Variants in SIK3 observed in about 807,000 individuals in gnomAD.
SIK3 encodes the protein serine/threonine-protein kinase SIK3.
SIK3 carries 28 observed loss-of-function variants against 144.2 expected under a neutral mutation model. That is an observed-to-expected ratio of 0.19 (90% confidence interval 0.14 to 0.27). The LOEUF (loss-of-function observed/expected upper bound fraction) is 0.27, where lower values mean the gene tolerates loss of function less well. Ranked by LOEUF, SIK3 falls within the 10% of genes least tolerant of loss-of-function variation. SIK3 has a pLI of 1.00. For synonymous variants in SIK3, 686 were observed against 676.3 expected (o/e 1.01, Z -0.22); for missense variants, 1,319 against 1,776.0 (o/e 0.74, Z 4.62).
chr11:116,890,658 C>T (rs1409474672), intron 6 of SIK3, among the ~76,000 whole-genome samples: 1 of 152,176 alleles, frequency 6.6e-6, no homozygotes, highest in African/African-American at 2.4e-5. Context: ...AGTTTAGAGA[C>T]ATGAAGAGTG....
rs76140157 is a variant in SIK3, at chr11:117,036,243, T to A, written c.273+61900A>T. Among the ~76,000 whole-genome samples the A allele has an allele frequency of 3.6e-3, 417 of 117,126 alleles. 5 individuals carry two copies. Among genetic ancestry groups the A allele is most frequent in the African/African-American group, 8.8e-3 (207 of 23,498 alleles). 76.8% of individuals were successfully genotyped at this position (117,126 alleles called of 152,430 possible). A position where few individuals can be genotyped will look rare whatever the true frequency, so the allele number is the denominator to read the frequency against. ...GCCAAAAATAAAATTTAAAAAAAAA[T>A]AATGTAGGTAGTTTCTCATAGTAAC... On this transcript the variant is annotated intron_variant, in intron 1 of 24. Transcript: ENST00000445177.
At position 116,922,907 on chromosome 11, in the gene SIK3, CTTT is replaced by C. The variant is rs202058609; in HGVS notation, c.616+4309_616+4311del. On this transcript the variant is annotated intron_variant, in intron 4 of 24. Transcript: ENST00000445177. The stretch of plus-strand genomic sequence containing the variant: ...CGACTAATTTCTCCTTTTCTTTTCT[CTTT>C]TTTTTTTTTTTTTTTTTTTTTTTTG... 1.4e-3 allele frequency among the ~76,000 whole-genome samples: 141 copies of C among 102,166 alleles called. 4 individuals carry two copies. Among genetic ancestry groups the C allele is most frequent in the African/African-American group, 4.2e-3 (121 of 28,568 alleles). 67.0% of individuals were successfully genotyped at this position (102,166 alleles called of 152,430 possible). A position where few individuals can be genotyped will look rare whatever the true frequency, so the allele number is the denominator to read the frequency against.
At chr11:116,917,636 G>A (rs917582468) in intron 4 of SIK3, among the ~76,000 whole-genome samples, 4 of 151,950 alleles carry the variant, frequency 2.6e-5, no homozygotes, top group Non-Finnish European at 5.9e-5. Flanking sequence ...CTGAGCCCAT[G>A]AGTTCAAGGT....
At chr11:117,052,137 GA>G (rs144109493) in intron 1 of SIK3, among the ~76,000 whole-genome samples, 1 of 149,810 alleles carries the variant, frequency 6.7e-6, no homozygotes, top group Non-Finnish European at 1.5e-5. Context: ...GAAACCCTGG[GA>G]AAAAAAAAGA....
intron 1 of SIK3, among the ~76,000 whole-genome samples, chr11:117,043,845 G>C (rs1197111594): frequency 6.6e-6 from 1 of 152,150 alleles, no homozygotes; most frequent in Non-Finnish European, 1.5e-5. Context: ...CAGTATAAAC[G>C]ATGTTTTATT....
At chr11:117,039,096 G>T (rs990426262) in intron 1 of SIK3, among the ~76,000 whole-genome samples, 1 of 151,938 alleles carries the variant, frequency 6.6e-6, no homozygotes, top group African/African-American at 2.4e-5. Context: ...AGCATCTTTA[G>T]ATCAGAATCA....
chr11:116,967,108 G>A (rs1055678085), intron 1 of SIK3, among the ~76,000 whole-genome samples: 1 of 152,094 alleles, frequency 6.6e-6, no homozygotes, highest in African/African-American at 2.4e-5. Flanking sequence ...AAAATACAAG[G>A]TTGTCAGAAG....
intron 1 of SIK3, among the ~76,000 whole-genome samples, chr11:117,084,186 C>A (rs971495531): frequency 1.3e-5 from 2 of 152,150 alleles, no homozygotes; most frequent in Non-Finnish European, 2.9e-5. Context: ...CCCCAACATG[C>A]AAACTGGCCC....
intron 16 of SIK3, among the ~76,000 whole-genome samples, chr11:116,862,812 G>A (rs1438339759): frequency 6.6e-6 from 1 of 152,184 alleles, no homozygotes; most frequent in Non-Finnish European, 1.5e-5. Flanking sequence ...GGTGGCTCAC[G>A]CCTGTAATCC....
intron 1 of SIK3, among the ~76,000 whole-genome samples, chr11:116,977,096 G>GC (rs1447795542): frequency 6.6e-6 from 1 of 151,960 alleles, no homozygotes; most frequent in East Asian, 1.9e-4. Flanking sequence ...TTTTCCCAAA[G>GC]CCATAGAGCC....
intron 1 of SIK3, among the ~76,000 whole-genome samples, chr11:116,976,519 CA>C (rs1949952131): frequency 6.6e-6 from 1 of 152,206 alleles, no homozygotes. Flanking sequence ...GCAGACTTAA[CA>C]AAAGTCAAAT....
At chr11:116,886,758 A>AT (rs1049641585) in intron 6 of SIK3, among the ~76,000 whole-genome samples, 9 of 152,042 alleles carry the variant, frequency 5.9e-5, no homozygotes, top group African/African-American at 9.7e-5. Flanking sequence ...TTGTTAAAAA[A>AT]ATATATTGAA....
chr11:116,986,858 G>C (rs1215389759), intron 1 of SIK3, among the ~76,000 whole-genome samples: 2 of 152,148 alleles, frequency 1.3e-5, no homozygotes, highest in Non-Finnish European at 2.9e-5. Flanking sequence ...CCATTTAGCT[G>C]TCATAAAGAA....
intron 15 of SIK3, among the ~76,000 whole-genome samples, chr11:116,866,326 G>A (rs1422459144): frequency 2.0e-5 from 3 of 152,192 alleles, no homozygotes. Flanking sequence ...GAGACAAGGA[G>A]AAAAGAAGGA....
chr11:117,092,078 T>A (rs1438445906), intron 1 of SIK3, among the ~76,000 whole-genome samples: 1 of 152,042 alleles, frequency 6.6e-6, no homozygotes, highest in African/African-American at 2.4e-5. Flanking sequence ...AGCCACCACA[T>A]CCAGCCACGT....
intron 1 of SIK3, among the ~76,000 whole-genome samples, chr11:117,049,436 A>G (rs1185415830): frequency 1.3e-5 from 2 of 151,188 alleles, no homozygotes; most frequent in Non-Finnish European, 3.0e-5. Context: ...AAATTACCCA[A>G]GCATCATGGT....
chr11:117,077,636 C>G (rs1954610115), intron 1 of SIK3, among the ~76,000 whole-genome samples: 1 of 152,082 alleles, frequency 6.6e-6, no homozygotes, highest in Non-Finnish European at 1.5e-5. Flanking sequence ...GAGATAATAT[C>G]TACTAATAAG....
At chr11:117,076,696 A>AT (rs567231538) in intron 1 of SIK3, among the ~76,000 whole-genome samples, 84 of 152,050 alleles carry the variant, frequency 5.5e-4, no homozygotes, top group Admixed American at 3.7e-3. Context: ...TACCCGGCTA[A>AT]TTTTTGTATT....
intron 21 of SIK3, among the ~76,000 whole-genome samples, chr11:116,852,901 T>C (rs1379528761): frequency 2.6e-5 from 4 of 152,200 alleles, no homozygotes; most frequent in East Asian, 1.9e-4. Context: ...GGGCTCTGTC[T>C]GCTCAAGTTT....
Sources: gnomAD v4.1 joint callset for allele counts (sites outside exome capture counted in the v4.1 genomes callset) on GRCh38, gnomAD v4.1.1 for gene constraint, MANE v1.5 for transcripts, NCBI Gene and HGNC (gene_info 2026-07-23, HGNC 2026-07-21) for gene names.